IQCM: variants seen among roughly 807,000 people sequenced by gnomAD.
IQCM encodes IQ motif containing M, also known as IQ domain-containing protein M.
IQCM carries 45 observed loss-of-function variants against 57.6 expected under a neutral mutation model. The ratio of observed to expected loss-of-function variants is 0.78; its 90% confidence interval spans 0.62 to 1.00. The LOEUF is 1.00. Among genes scored for constraint, IQCM ranks in the 50% least tolerant of loss-of-function variants. The pLI, the probability that IQCM is intolerant of heterozygous loss-of-function variation, is 0.00. For missense variants in IQCM, 468 were observed against 511.6 expected, an observed-to-expected ratio of 0.91 and a Z score of 0.82; for synonymous variants, 148 against 158.9, an observed-to-expected ratio of 0.93 and a Z score of 0.51.
intron 5 of IQCM, among the ~76,000 whole-genome samples, chr4:149,701,948 C>T (rs1763803741): frequency 6.6e-6 from 1 of 151,724 alleles, no homozygotes; most frequent in South Asian, 2.1e-4. Flanking sequence ...TTTAAAACAC[C>T]ATACATCTTT....
chr4:149,810,957 C>A (rs1320908730), intron 2 of IQCM, among the ~76,000 whole-genome samples: 1 of 152,058 alleles, frequency 6.6e-6, no homozygotes, highest in Non-Finnish European at 1.5e-5. Context: ...GTAGGTGGTG[C>A]CTGAACCCTG....
chr4:149,806,699 G>C (rs1188907521), intron 2 of IQCM, among the ~76,000 whole-genome samples: 5 of 151,824 alleles, frequency 3.3e-5, no homozygotes, highest in African/African-American at 1.2e-4. Flanking sequence ...GTAAATAAAG[G>C]ATCAAAAATC....
intron 13 of IQCM, among the ~76,000 whole-genome samples, chr4:149,375,181 G>T (rs996979356): frequency 2.6e-5 from 4 of 152,110 alleles, no homozygotes; most frequent in Non-Finnish European, 4.4e-5. Context: ...ATATTTATAT[G>T]TGATGGCTGT....
rs182076705 is a variant in IQCM at position 149,517,312 on chromosome 4, T to C, written c.1228+31143A>G. Among the ~76,000 whole-genome samples, 19 of 152,324 alleles carry C rather than the reference T, an allele frequency of 1.2e-4. No homozygotes were observed. In the East Asian group the frequency reaches 2.3e-3, roughly 19 times the overall value. ...ACATGTTTGTGCATGTATACACTTG[T>C]ACTAAGAAAATATCTTCATTGTATT... On this transcript the variant is annotated intron_variant, in intron 12 of 13. Coordinates refer to ENST00000636793, the MANE Select transcript of IQCM (RefSeq NM_001363507.2).
chr4:149,358,867 T>A (rs1262928607), intron 13 of IQCM, among the ~76,000 whole-genome samples: 1 of 151,758 alleles, frequency 6.6e-6, no homozygotes, highest in East Asian at 1.9e-4. Flanking sequence ...TATACTCTCA[T>A]GAGTATATCA....
chr4:149,682,450 GC>G (rs1441249776), intron 6 of IQCM, among the ~76,000 whole-genome samples: 1 of 151,044 alleles, frequency 6.6e-6, no homozygotes, highest in Non-Finnish European at 1.5e-5. Context: ...TTCCAAATGA[GC>G]CCAAACTAGC....
intron 12 of IQCM, among the ~76,000 whole-genome samples, chr4:149,479,538 C>T (rs532788786): frequency 6.6e-6 from 1 of 152,262 alleles, no homozygotes; most frequent in African/African-American, 2.4e-5. Context: ...AAGAAGAGGA[C>T]CCTGAAAAAC....
At chr4:149,532,719 C>A (rs905641938) in intron 12 of IQCM, among the ~76,000 whole-genome samples, 9 of 152,034 alleles carry the variant, frequency 5.9e-5, no homozygotes, top group Admixed American at 1.3e-4. Context: ...GCTGGTGACA[C>A]CATCTCTTCC....
intron 2 of IQCM, among the ~76,000 whole-genome samples, 159 bp from the exon 3 acceptor site, chr4:149,742,898 A>G (rs1006472073): frequency 2.6e-5 from 4 of 152,184 alleles, no homozygotes; most frequent in Non-Finnish European, 5.9e-5. Flanking sequence ...AAAACACAGT[A>G]ACAATAGCTA....
intron 5 of IQCM, among the ~76,000 whole-genome samples, chr4:149,706,172 T>G (rs769205534): frequency 6.6e-6 from 1 of 152,010 alleles, no homozygotes; most frequent in African/African-American, 2.4e-5. Flanking sequence ...ACTAGCTTTG[T>G]GGACTTCAGC....
chr4:149,442,569 T>C (rs28591110), intron 12 of IQCM, among the ~76,000 whole-genome samples: 1,564 of 152,222 alleles, frequency 0.01, 30 homozygotes, highest in African/African-American at 0.036. Context: ...TGCCACTACA[T>C]AACAAGAATC....
At chr4:149,588,078 G>C in intron 8 of IQCM, 81 bp from the exon 9 acceptor site, 1 of 500,580 alleles carries the variant, frequency 2.0e-6, no homozygotes, top group Non-Finnish European at 3.1e-6. Context: ...TTGACGTTCT[G>C]TTATATTATC....
chr4:149,357,282 G>A (rs1027576850), intron 13 of IQCM, among the ~76,000 whole-genome samples: 6 of 152,126 alleles, frequency 3.9e-5, no homozygotes, highest in African/African-American at 1.4e-4. Flanking sequence ...CCAACACTAT[G>A]TTGAATATGA....
chr4:149,564,111 T>A lies in IQCM; in HGVS notation c.750-221A>T, dbSNP rs540505840. On this transcript the variant is annotated intron_variant, in intron 9 of 13. Coordinates refer to ENST00000636793, the MANE Select transcript of IQCM (RefSeq NM_001363507.2). ...TACATGGATAAAACTAACCTTCTAA[T>A]GAAAAGAAATCCAAAAGAAAGTGAA... 3.3e-5 allele frequency among the ~76,000 whole-genome samples: 5 copies of A among 152,230 alleles called. No individual in the cohort carries two copies. In the South Asian group the frequency reaches 1.0e-3, roughly 32 times the overall value.
At chr4:149,802,239 A>G (rs914943781) in intron 2 of IQCM, among the ~76,000 whole-genome samples, 1 of 151,922 alleles carries the variant, frequency 6.6e-6, no homozygotes, top group African/African-American at 2.4e-5. Context: ...AGAGGGAAAA[A>G]AAAAAAACTT....
chr4:149,582,725 C>A (rs942838998), intron 9 of IQCM, among the ~76,000 whole-genome samples: 1 of 151,506 alleles, frequency 6.6e-6, no homozygotes, highest in Admixed American at 6.6e-5. Context: ...TGTTATTCAC[C>A]ATACATTTAT....
intron 7 of IQCM, among the ~76,000 whole-genome samples, chr4:149,634,304 T>C (rs1757540269): frequency 1.3e-5 from 2 of 152,276 alleles, no homozygotes; most frequent in South Asian, 2.1e-4. Context: ...TTAGAAAACA[T>C]ACCTTGCAAT....
rs1412920914 is a variant in IQCM, at chr4:149,716,748, A to G, written c.385+16496T>C. On this transcript the variant is annotated intron_variant, in intron 5 of 13. Coordinates refer to ENST00000636793, the MANE Select transcript of IQCM (RefSeq NM_001363507.2). ...AAAGACTTCCCCAGTTTGGTAAATG[A>G]CAACCCCATCCACAGTACATAAAGG... Among the ~76,000 whole-genome samples, 3 of 152,340 alleles carry G rather than the reference A, an allele frequency of 2.0e-5. No individual in the cohort carries two copies. In the East Asian group the frequency reaches 5.8e-4, roughly 29 times the overall value.
chr4:149,579,932 T>C (rs192320033), intron 9 of IQCM, among the ~76,000 whole-genome samples: 2 of 151,944 alleles, frequency 1.3e-5, no homozygotes, highest in Non-Finnish European at 2.9e-5. Context: ...CTAAGTCATC[T>C]TAGGAATTGA....
Sources: allele counts gnomAD v4.1 joint callset (sites outside exome capture counted in the v4.1 genomes callset), GRCh38; gene constraint gnomAD v4.1.1; transcripts MANE v1.5; gene names NCBI Gene and HGNC (gene_info 2026-07-23, HGNC 2026-07-21).